Variants in KCNQ5 observed in about 807,000 individuals in gnomAD.
The protein encoded by KCNQ5 is potassium voltage-gated channel subfamily Q member 5.
A neutral mutation model predicts 98.2 loss-of-function variants in KCNQ5; 30 were observed. That is an observed-to-expected ratio of 0.31 (90% CI 0.23 to 0.41). The LOEUF is 0.41. Ranked by LOEUF, KCNQ5 falls within the 10% of genes least tolerant of loss-of-function variation. The pLI is 1.00. For missense variants in KCNQ5, 835 were observed against 1,182.5 expected (o/e 0.71, Z 4.31); for synonymous variants, 458 against 449.4 (o/e 1.02, Z -0.24).
chr6:72,694,340 G>A (rs564485619), intron 1 of KCNQ5, among the ~76,000 whole-genome samples: 151 of 152,262 alleles, frequency 9.9e-4, no homozygotes, highest in African/African-American at 3.5e-3. Flanking sequence ...AAACTAGCTA[G>A]ATAATGGATG....
At chr6:73,059,276 GC>G (rs1772669873) in intron 3 of KCNQ5, among the ~76,000 whole-genome samples, 1 of 152,180 alleles carries the variant, frequency 6.6e-6, no homozygotes, top group Admixed American at 6.5e-5. Flanking sequence ...CATGGATGAG[GC>G]TGGAGGCCAT....
chr6:72,985,694 T>A (rs1026156102), intron 1 of KCNQ5, among the ~76,000 whole-genome samples: 2 of 152,198 alleles, frequency 1.3e-5, no homozygotes, highest in Non-Finnish European at 2.9e-5. Context: ...ACGGACAACT[T>A]ATATCCTGTT....
At chr6:72,709,657 T>C (rs1481309052) in intron 1 of KCNQ5, among the ~76,000 whole-genome samples, 1 of 152,204 alleles carries the variant, frequency 6.6e-6, no homozygotes, top group Admixed American at 6.5e-5. Context: ...ATTTAACAAA[T>C]ATTTACTAAG....
chr6:72,891,207 AC>A (rs1232925670), intron 1 of KCNQ5, among the ~76,000 whole-genome samples: 7 of 152,224 alleles, frequency 4.6e-5, no homozygotes, highest in Non-Finnish European at 7.3e-5. Flanking sequence ...TGACAGATTT[AC>A]TATGTCCATA....
At chr6:72,849,409 G>A (rs568115545) in intron 1 of KCNQ5, among the ~76,000 whole-genome samples, 19 of 152,270 alleles carry the variant, frequency 1.2e-4, no homozygotes, top group African/African-American at 4.3e-4. Flanking sequence ...CCCACCAACA[G>A]TATGTAAGCA....
intron 1 of KCNQ5, among the ~76,000 whole-genome samples, chr6:72,916,358 G>A (rs1340750757): frequency 3.3e-5 from 5 of 152,158 alleles, no homozygotes; most frequent in Admixed American, 3.3e-4. Flanking sequence ...TTACGATTTA[G>A]TTGATATTAG....
At chr6:73,106,699 A>C (rs1775014948) in intron 6 of KCNQ5, among the ~76,000 whole-genome samples, 1 of 152,230 alleles carries the variant, frequency 6.6e-6, no homozygotes. Flanking sequence ...TTTTCAAACA[A>C]GGTCACATTC....
intron 1 of KCNQ5, among the ~76,000 whole-genome samples, chr6:72,741,049 T>A (rs1014832440): frequency 6.6e-6 from 1 of 152,180 alleles, no homozygotes; most frequent in Non-Finnish European, 1.5e-5. Context: ...ACCTATAAAT[T>A]AGGGAAGAGA....
At chr6:73,164,699 A>G (rs1777728350) in intron 10 of KCNQ5, among the ~76,000 whole-genome samples, 1 of 152,176 alleles carries the variant, frequency 6.6e-6, no homozygotes, top group Non-Finnish European at 1.5e-5. Flanking sequence ...AAAGTTTTCC[A>G]TTAACCTCAA....
At chr6:72,802,592 T>TTATA (rs1379902964) in intron 1 of KCNQ5, among the ~76,000 whole-genome samples, 1 of 152,176 alleles carries the variant, frequency 6.6e-6, no homozygotes, top group African/African-American at 2.4e-5. Flanking sequence ...TTTGTGTTAG[T>TTATA]TATAGTCTCA....
intron 3 of KCNQ5, among the ~76,000 whole-genome samples, chr6:73,075,414 G>A (rs574406139): frequency 2.0e-5 from 3 of 152,026 alleles, no homozygotes; most frequent in Admixed American, 1.3e-4. Context: ...GTAGAGACAG[G>A]GTTTCACCAT....
At chr6:72,693,655 A>C (rs1768330526) in intron 1 of KCNQ5, among the ~76,000 whole-genome samples, 1 of 152,224 alleles carries the variant, frequency 6.6e-6, no homozygotes, top group Admixed American at 6.5e-5. Context: ...TTGTACCACC[A>C]TAGGTCAAAA....
chr6:72,897,454 A>C (rs1425926285), intron 1 of KCNQ5, among the ~76,000 whole-genome samples: 1 of 152,134 alleles, frequency 6.6e-6, no homozygotes, highest in African/African-American at 2.4e-5. Flanking sequence ...AAGCAGGAGG[A>C]TCGCTTGAAC....
rs1046422876 is a variant in KCNQ5, at chr6:72,654,190, T to C, written c.398+31603T>C. 4.0e-5 allele frequency among the ~76,000 whole-genome samples: 6 copies of C among 151,592 alleles called. No homozygotes were observed. The South Asian group carries it at 1.0e-3, about 26-fold the overall frequency. ...AGACCATATGGTATCAGAATTGGAA[T>C]AGAAGGAAACTGGAGTTGGGGGAGG... On this transcript the variant is annotated intron_variant, in intron 1 of 13. Coordinates refer to ENST00000370398, the MANE Select transcript of KCNQ5 (RefSeq NM_019842.4).
intron 3 of KCNQ5, chr6:73,055,837 C>T: frequency 1.4e-6 from 1 of 719,926 alleles, no homozygotes; most frequent in Non-Finnish European, 2.5e-6. Flanking sequence ...TGTGGCTGCC[C>T]AGGGCAAAGC....
Position 72,622,488 on chromosome 6 carries a change from A to G in KCNQ5, c.299A>G (p.Gln100Arg). Residue 100 changes from glutamine to arginine, a missense_variant, in exon 1 of 14, where the codon CAG becomes CGG. By Grantham distance (43) the Gln-to-Arg change is conservative. Transcript: ENST00000370398. The surrounding 1 kb of genome is among the most constrained non-coding windows in gnomAD (Gnocchi z 6.0). ...AAGCCGCTCTCTTACACGAGTAGCC[A>G]GAGCTGCCGGCGCAACGTCAAGTAC... ...LGKPLSYTSS[Q>R]SCRRNVKYRR... 1 of 1,609,536 alleles carries G rather than the reference A, an allele frequency of 6.2e-7. No individual in the cohort carries two copies. The highest frequency in any genetic ancestry group is 2.3e-5 in the East Asian group (1 of 44,190).
Position 73,055,695 on chromosome 6 carries a change from A to G in KCNQ5, c.616+13633A>G, listed in dbSNP as rs1582268607. 5 of 1,131,752 alleles carry G rather than the reference A, an allele frequency of 4.4e-6. No homozygotes were observed. In the East Asian group the frequency reaches 1.2e-4, roughly 27 times the overall value. The allele number at this position is 1,131,752 out of a possible 1,614,324, so 70.1% of individuals were successfully genotyped here. On this transcript the variant is annotated intron_variant, in intron 3 of 13. Transcript: ENST00000370398. ...AAGCATCTGAAGGGTCTCTCTGAAG[A>G]GGCTATCATGGAGCTGAACCTGCCA...
At chr6:72,674,409 A>T (rs1767301797) in intron 1 of KCNQ5, among the ~76,000 whole-genome samples, 1 of 152,166 alleles carries the variant, frequency 6.6e-6, no homozygotes, top group South Asian at 2.1e-4. Flanking sequence ...AGAAATCACC[A>T]CTAAAGAACT....
At chr6:72,908,201 G>A (rs1779782046) in intron 1 of KCNQ5, among the ~76,000 whole-genome samples, 1 of 152,018 alleles carries the variant, frequency 6.6e-6, no homozygotes, top group Non-Finnish European at 1.5e-5. Flanking sequence ...GTTACCATAG[G>A]TGGAGAGAGG....
Sources: gnomAD v4.1 joint callset for allele counts (sites outside exome capture counted in the v4.1 genomes callset) on GRCh38, gnomAD v4.1.1 for gene constraint, Gnocchi (gnomAD v3.1) non-coding constraint, MANE v1.5 for transcripts, NCBI Gene and HGNC (gene_info 2026-07-23, HGNC 2026-07-21) for gene names.